Variants in PFDN1 observed in about 807,000 individuals in gnomAD.
PFDN1 encodes the protein prefoldin 1.
PFDN1 carries 6 observed loss-of-function variants against 17.3 expected under a neutral mutation model. That is an observed-to-expected ratio of 0.35 (90% confidence interval 0.19 to 0.69). The LOEUF is 0.69. PFDN1 is among the 30% of genes least tolerant of loss of function. The pLI, the probability that PFDN1 is intolerant of heterozygous loss-of-function variation, is 0.65. For synonymous variants in PFDN1, 58 were observed against 50.1 expected, an observed-to-expected ratio of 1.16 and a Z score of -0.67; for missense variants, 113 against 146.2, an observed-to-expected ratio of 0.77 and a Z score of 1.17.
At chr5:140,268,802 A>C (rs1420804263) in intron 3 of PFDN1, among the ~76,000 whole-genome samples, 1 of 152,222 alleles carries the variant, frequency 6.6e-6, no homozygotes, top group African/African-American at 2.4e-5. Flanking sequence ...ACATATGTGG[A>C]GTTAAACTAT....
chr5:140,247,113 GCTCT>G (rs1282893866), intron 3 of PFDN1, among the ~76,000 whole-genome samples: 1 of 152,154 alleles, frequency 6.6e-6, no homozygotes, highest in African/African-American at 2.4e-5. Flanking sequence ...GGACAAGTGA[GCTCT>G]CTGTCCAATT....
intron 3 of PFDN1, among the ~76,000 whole-genome samples, chr5:140,279,536 G>A (rs1196496733): frequency 1.3e-5 from 2 of 151,394 alleles, no homozygotes; most frequent in African/African-American, 4.9e-5. Context: ...ACAAGGTCTT[G>A]TTATGTTGCG....
chr5:140,246,796 C>T (rs1033226893), intron 3 of PFDN1, among the ~76,000 whole-genome samples: 5 of 152,116 alleles, frequency 3.3e-5, no homozygotes, highest in Non-Finnish European at 7.4e-5. Context: ...CTGTGCTCAC[C>T]CCAGAAGTAT....
At position 140,281,538 on chromosome 5, in the gene PFDN1, G is replaced by A. The variant is rs1291031966; in HGVS notation, c.201-5C>T. 7 of 1,492,200 alleles carry A rather than the reference G, an allele frequency of 4.7e-6. No homozygotes were observed. Among genetic ancestry groups the A allele is most frequent in the Non-Finnish European group, 6.5e-6 (7 of 1,071,286 alleles). The allele number at this position is 1,492,200 out of a possible 1,614,324, so 92.4% of individuals were successfully genotyped here. ...TCCTTGGACTGAAGAATAAACCTAT[G>A]AAACACAAGAAAGTTGAAAATTAAG... On this transcript the variant is annotated splice_polypyrimidine_tract_variant and splice_region_variant and intron_variant, in intron 2 of 3. Coordinates refer to ENST00000261813, the MANE Select transcript of PFDN1 (RefSeq NM_002622.5).
chr5:140,260,410 T>A (rs1581084096), intron 3 of PFDN1, among the ~76,000 whole-genome samples: 1 of 151,782 alleles, frequency 6.6e-6, no homozygotes, highest in East Asian at 1.9e-4. Flanking sequence ...GCAGCATTAT[T>A]TACAACAGCC....
At chr5:140,251,291 A>G (rs1764909137) in intron 3 of PFDN1, among the ~76,000 whole-genome samples, 1 of 152,224 alleles carries the variant, frequency 6.6e-6, no homozygotes, top group Non-Finnish European at 1.5e-5. Context: ...ACAATTATGA[A>G]TTACTGATTT....
chr5:140,254,976 C>T lies in PFDN1; in HGVS notation c.286-8919G>A, dbSNP rs1351989396. ...AACTCAACCATCTACCCACTCCATG[C>T]CTCACCTGAGTGGCTGAATGTTGCT... On this transcript the variant is annotated intron_variant, in intron 3 of 3. Coordinates refer to ENST00000261813, the MANE Select transcript of PFDN1 (RefSeq NM_002622.5). The surrounding 1 kb of genome is among the most constrained non-coding windows in gnomAD (Gnocchi z 4.4). Among the ~76,000 whole-genome samples the T allele has an allele frequency of 2.6e-5, 4 of 152,180 alleles. No homozygotes were observed. Among genetic ancestry groups the T allele is most frequent in the Non-Finnish European group, 4.4e-5 (3 of 68,044 alleles).
At chr5:140,284,665 C>G (rs543969861) in intron 2 of PFDN1, among the ~76,000 whole-genome samples, 4 of 152,092 alleles carry the variant, frequency 2.6e-5, no homozygotes, top group Non-Finnish European at 5.9e-5. Context: ...CAAAATGTAC[C>G]AATAAGGAAA....
chr5:140,282,096 A>C (rs1765411925), intron 2 of PFDN1: 1 of 151,766 alleles, frequency 6.6e-6, no homozygotes, highest in African/African-American at 2.4e-5. Flanking sequence ...CTGAGGTGGG[A>C]GGATCAATTG....
intron 3 of PFDN1, among the ~76,000 whole-genome samples, chr5:140,258,746 T>G (rs1174943456): frequency 1.3e-5 from 2 of 152,162 alleles, no homozygotes; most frequent in African/African-American, 4.8e-5. Context: ...GTGCTGCCTT[T>G]CACTGAGAGA....
intron 3 of PFDN1, among the ~76,000 whole-genome samples, chr5:140,261,515 T>C (rs1219122170): frequency 6.6e-6 from 1 of 151,894 alleles, no homozygotes; most frequent in Non-Finnish European, 1.5e-5. Context: ...CGGAAACCCA[T>C]AAAAGGACCG....
chr5:140,277,325 T>G (rs1227172268), intron 3 of PFDN1, among the ~76,000 whole-genome samples: 1 of 152,158 alleles, frequency 6.6e-6, no homozygotes, highest in African/African-American at 2.4e-5. Flanking sequence ...AAGGTCATTC[T>G]AACTTAAATA....
chr5:140,282,907 G>A (rs1459669638), intron 2 of PFDN1, among the ~76,000 whole-genome samples: 1 of 152,176 alleles, frequency 6.6e-6, no homozygotes, highest in East Asian at 1.9e-4. Context: ...TGCACTAACA[G>A]AGTTCAGCAA....
chr5:140,284,993 T>C (rs1765463265), intron 2 of PFDN1, among the ~76,000 whole-genome samples: 1 of 152,214 alleles, frequency 6.6e-6, no homozygotes, highest in South Asian at 2.1e-4. Flanking sequence ...CACTTTCTTA[T>C]AACTCAGTAT....
intron 1 of PFDN1, among the ~76,000 whole-genome samples, 168 bp downstream of exon 1, chr5:140,302,873 C>A (rs567250033): frequency 6.6e-6 from 1 of 152,152 alleles, no homozygotes; most frequent in African/African-American, 2.4e-5. Flanking sequence ...GCTCGCCCCC[C>A]ACCCCGTTTA....
chr5:140,259,194 C>A (rs1271764725), intron 3 of PFDN1, among the ~76,000 whole-genome samples: 4 of 152,126 alleles, frequency 2.6e-5, no homozygotes, highest in African/African-American at 9.7e-5. Context: ...CATCAAGTGG[C>A]CTGTAGGATA....
intron 3 of PFDN1, 192 bp downstream of exon 3, chr5:140,281,257 C>CT (rs938144317): frequency 0.011 from 4,519 of 418,792 alleles, no homozygotes; most frequent in Middle Eastern, 0.016. Context: ...AGAGACTATT[C>CT]TTTTTTTTTT....
chr5:140,251,605 G>A (rs1195044911), intron 3 of PFDN1, among the ~76,000 whole-genome samples: 2 of 152,148 alleles, frequency 1.3e-5, no homozygotes, highest in African/African-American at 2.4e-5. Context: ...CTGTCTTGCC[G>A]AGCAATTTCC....
intron 2 of PFDN1, among the ~76,000 whole-genome samples, chr5:140,286,610 GGGGGGGGGGGC>G (rs1765497225): frequency 4.0e-5 from 2 of 50,348 alleles, no homozygotes; most frequent in Non-Finnish European, 4.9e-5. Context: ...GGGGGGGGGG[GGGGGGGGGGGC>G]GGGGGAGACA....
Sources: gnomAD v4.1 joint callset for allele counts (sites outside exome capture counted in the v4.1 genomes callset) on GRCh38, gnomAD v4.1.1 for gene constraint, Gnocchi (gnomAD v3.1) non-coding constraint, MANE v1.5 for transcripts, NCBI Gene and HGNC (gene_info 2026-07-23, HGNC 2026-07-21) for gene names.